Variants in SS18 observed in about 807,000 individuals in gnomAD.
The protein encoded by SS18 is SS18 subunit of BAF chromatin remodeling complex, also known as protein SSXT.
A neutral mutation model predicts 72.5 loss-of-function variants in SS18; 28 were observed. That is an observed-to-expected ratio of 0.39 (90% CI 0.29 to 0.53). SS18 has a LOEUF of 0.53. SS18 is among the 20% of genes least tolerant of loss of function. The pLI is 0.76. For synonymous variants in SS18, 172 were observed against 164.2 expected (o/e 1.05, Z -0.37); for missense variants, 518 against 535.3 (o/e 0.97, Z 0.32).
intron 10 of SS18, among the ~76,000 whole-genome samples, 193 bp downstream of exon 10, chr18:26,032,206 G>A (rs746456527): frequency 1.3e-5 from 2 of 151,954 alleles, no homozygotes; most frequent in Non-Finnish European, 2.9e-5. Flanking sequence ...ATATGATAGA[G>A]TAACTATGAT....
chr18:26,050,932 A>T (rs2053911480), intron 5 of SS18, among the ~76,000 whole-genome samples: 1 of 152,046 alleles, frequency 6.6e-6, no homozygotes, highest in African/African-American at 2.4e-5. Context: ...AAATAAATAA[A>T]CAAATAAAAA....
chr18:26,033,379 T>A (rs184972789), intron 9 of SS18, among the ~76,000 whole-genome samples: 10 of 152,064 alleles, frequency 6.6e-5, no homozygotes, highest in Non-Finnish European at 1.3e-4. Flanking sequence ...CCGGGTATGG[T>A]AGCATGCGAC....
intron 5 of SS18, among the ~76,000 whole-genome samples, chr18:26,048,802 C>A (rs2053874007): frequency 6.6e-6 from 1 of 152,146 alleles, no homozygotes. Flanking sequence ...TATTAAAACA[C>A]CCAGAAATAA....
rs1231132306 is a variant in SS18 at position 26,035,741 on chromosome 18, C to G, written c.973+90G>C. On this transcript the variant is annotated intron_variant, in intron 8 of 10. Transcript: ENST00000415083. This position sits in a 1 kb window ranked among gnomAD's most constrained non-coding sequence, Gnocchi z 4.4. The stretch of plus-strand genomic sequence containing the variant: ...GCCAGCAACTAGTATTCTACAAGAG[C>G]TTTGCATGGGTAGAAGTTGTCTTAT... 21 of 807,270 alleles carry G rather than the reference C, an allele frequency of 2.6e-5. No individual in the cohort carries two copies. The highest frequency in any genetic ancestry group is 3.4e-5 in the Non-Finnish European group (18 of 533,976). The allele number at this position is 807,270 out of a possible 1,614,324, so 50.0% of individuals were successfully genotyped here. A position where few individuals can be genotyped will look rare whatever the true frequency, so the allele number is the denominator to read the frequency against.
At chr18:26,048,648 T>C (rs948637538) in intron 5 of SS18, among the ~76,000 whole-genome samples, 1 of 152,190 alleles carries the variant, frequency 6.6e-6, no homozygotes, top group African/African-American at 2.4e-5. Flanking sequence ...GTGAACAGTT[T>C]AGGTACTGAA....
chr18:26,077,778 C>T (rs1467977205), intron 3 of SS18, among the ~76,000 whole-genome samples: 1 of 152,076 alleles, frequency 6.6e-6, no homozygotes, highest in East Asian at 1.9e-4. Context: ...TGTAAGATGT[C>T]TGGGACTTGC....
intron 10 of SS18, 75 bp from the exon 11 acceptor site, chr18:26,018,455 T>C: frequency 8.5e-7 from 1 of 1,172,522 alleles, no homozygotes; most frequent in Non-Finnish European, 1.2e-6. Flanking sequence ...AAACGAATCA[T>C]TTCTAACACT....
intron 5 of SS18, among the ~76,000 whole-genome samples, chr18:26,047,525 TA>T (rs2053847499): frequency 6.6e-6 from 1 of 152,154 alleles, no homozygotes; most frequent in South Asian, 2.1e-4. Context: ...ATCCTATCAC[TA>T]AAACAAACTA....
intron 2 of SS18, among the ~76,000 whole-genome samples, chr18:26,083,851 G>C (rs568711519): frequency 6.6e-6 from 1 of 152,250 alleles, no homozygotes; most frequent in African/African-American, 2.4e-5. Context: ...AAGTAGATCA[G>C]CTAGTTAATT....
chr18:26,069,984 T>C (rs919070107), intron 3 of SS18, among the ~76,000 whole-genome samples: 1 of 152,150 alleles, frequency 6.6e-6, no homozygotes, highest in Non-Finnish European at 1.5e-5. Flanking sequence ...ATAGTCACAC[T>C]TTCTACTGGT....
intron 5 of SS18, among the ~76,000 whole-genome samples, chr18:26,039,749 G>A (rs1261907697): frequency 2.0e-5 from 3 of 152,102 alleles, no homozygotes; most frequent in South Asian, 2.1e-4. Context: ...CTGAATGTGT[G>A]TATTTTCCAT....
intron 5 of SS18, among the ~76,000 whole-genome samples, chr18:26,051,705 GA>G (rs903255672): frequency 3.2e-4 from 49 of 152,108 alleles, no homozygotes; most frequent in African/African-American, 1.1e-3. Flanking sequence ...AACTTTGGGG[GA>G]AAAAAATGTA....
chr18:26,050,013 G>A (rs1397111218), intron 5 of SS18, among the ~76,000 whole-genome samples: 1 of 152,230 alleles, frequency 6.6e-6, no homozygotes, highest in Non-Finnish European at 1.5e-5. Context: ...TCGGGAGGCT[G>A]AGGTGGATGG....
At chr18:26,031,394 C>T (rs1283694500) in intron 10 of SS18, among the ~76,000 whole-genome samples, 1 of 152,138 alleles carries the variant, frequency 6.6e-6, no homozygotes, top group East Asian at 1.9e-4. Context: ...TTTCCTCAAA[C>T]CAGATACTGA....
chr18:26,029,000 G>A (rs1220989586), intron 10 of SS18, among the ~76,000 whole-genome samples: 1 of 152,202 alleles, frequency 6.6e-6, no homozygotes, highest in African/African-American at 2.4e-5. Context: ...GTCTTACTTA[G>A]GTGGTCAGTG....
intron 9 of SS18, among the ~76,000 whole-genome samples, 161 bp downstream of exon 9, chr18:26,034,844 T>C (rs1037380947): frequency 1.3e-5 from 2 of 152,220 alleles, no homozygotes; most frequent in Admixed American, 6.5e-5. Context: ...CTAGTTTATC[T>C]AAGAGCAACA....
chr18:26,026,579 A>G (rs1173387526), intron 10 of SS18, among the ~76,000 whole-genome samples: 1 of 152,172 alleles, frequency 6.6e-6, no homozygotes, highest in Non-Finnish European at 1.5e-5. Flanking sequence ...GGAACAAGAC[A>G]AAAGATGTCT....
At chr18:26,065,461 G>A (rs999382844) in intron 3 of SS18, among the ~76,000 whole-genome samples, 2 of 151,882 alleles carry the variant, frequency 1.3e-5, no homozygotes, top group South Asian at 4.2e-4. Flanking sequence ...AATGGTGCTG[G>A]ATCAACTAAC....
intron 10 of SS18, among the ~76,000 whole-genome samples, chr18:26,019,517 AG>A (rs2053306765): frequency 1.3e-5 from 2 of 152,172 alleles, no homozygotes; most frequent in African/African-American, 4.8e-5. Context: ...AAACAGAATT[AG>A]GGATTTTATG....
Sources: allele counts gnomAD v4.1 joint callset (sites outside exome capture counted in the v4.1 genomes callset), GRCh38; gene constraint gnomAD v4.1.1; non-coding constraint Gnocchi (gnomAD v3.1); transcripts MANE v1.5; gene names NCBI Gene and HGNC (gene_info 2026-07-23, HGNC 2026-07-21).